Variants in SLC44A5 observed in about 807,000 individuals in gnomAD.
The protein encoded by SLC44A5 is solute carrier family 44 member 5, also known as choline transporter-like protein 5.
Under a neutral mutation model 101.8 loss-of-function variants are expected in SLC44A5, and 57 were observed. The ratio of observed to expected loss-of-function variants is 0.56; its 90% CI spans 0.45 to 0.70. The LOEUF is 0.70. Among genes scored for constraint, SLC44A5 ranks in the 30% least tolerant of loss-of-function variants. The pLI, the probability that SLC44A5 is intolerant of heterozygous loss-of-function variation, is 0.00. For missense variants in SLC44A5, 737 were observed against 853.1 expected, an observed-to-expected ratio of 0.86 and a Z score of 1.70; for synonymous variants, 281 against 290.9, an observed-to-expected ratio of 0.97 and a Z score of 0.35.
intron 6 of SLC44A5, among the ~76,000 whole-genome samples, chr1:75,258,196 T>C (rs1332036620): frequency 6.6e-6 from 1 of 151,996 alleles, no homozygotes; most frequent in African/African-American, 2.4e-5. Context: ...ACAGAACTGT[T>C]CACTCCCCTA....
At chr1:75,392,588 G>A (rs1661863838) in intron 3 of SLC44A5, among the ~76,000 whole-genome samples, 1 of 152,214 alleles carries the variant, frequency 6.6e-6, no homozygotes, top group Admixed American at 6.5e-5. Flanking sequence ...GTGGAAAGCA[G>A]TTTGGAGATT....
At position 75,487,408 on chromosome 1, in the gene SLC44A5, A is replaced by G. The variant is rs534096108; in HGVS notation, c.13+54027T>C. Reference sequence around the variant, plus strand: ...GCTCCAGGCAGAGGAAACCACATCTATAGTAGCTCCGAGACAAGATAGAGT... The same window carrying G: ...GCTCCAGGCAGAGGAAACCACATCTGTAGTAGCTCCGAGACAAGATAGAGT... On this transcript the variant is annotated intron_variant, in intron 2 of 23. Coordinates refer to ENST00000370859, the MANE Select transcript of SLC44A5 (RefSeq NM_001130058.2). Among the ~76,000 whole-genome samples the G allele has an allele frequency of 3.3e-5, 5 of 152,344 alleles. No individual in the cohort carries two copies. In the South Asian group the frequency reaches 1.0e-3, roughly 32 times the overall value.
intron 1 of SLC44A5, among the ~76,000 whole-genome samples, chr1:75,565,922 C>T (rs149758006): frequency 8.3e-4 from 126 of 152,194 alleles, no homozygotes; most frequent in African/African-American, 2.8e-3. Flanking sequence ...TAGTTGGCAT[C>T]CAAAACTTAT....
intron 2 of SLC44A5, among the ~76,000 whole-genome samples, chr1:75,427,003 C>T (rs765293723): frequency 3.5e-4 from 53 of 152,184 alleles, no homozygotes; most frequent in Non-Finnish European, 5.9e-4. Context: ...GGTTCTGCCT[C>T]TTTTTGGGGC....
intron 4 of SLC44A5, among the ~76,000 whole-genome samples, chr1:75,320,995 C>A (rs887592624): frequency 6.6e-6 from 1 of 151,872 alleles, no homozygotes; most frequent in Non-Finnish European, 1.5e-5. Context: ...AAAAAATTCC[C>A]GAGCAATATG....
the SLC44A5 span, among the ~76,000 whole-genome samples, chr1:75,648,103 A>G: frequency 0.49 from 74,669 of 152,046 alleles, 19,593 homozygotes; most frequent in East Asian, 0.93. Flanking sequence ...GGAAGGGATC[A>G]CATGGGAAGC....
At chr1:75,477,402 G>A (rs1244393155) in intron 2 of SLC44A5, among the ~76,000 whole-genome samples, 4 of 152,210 alleles carry the variant, frequency 2.6e-5, no homozygotes, top group Admixed American at 1.3e-4. Flanking sequence ...AAAGCTGTAC[G>A]GAGAATGACT....
chr1:75,388,257 A>G (rs1371788480), intron 3 of SLC44A5, among the ~76,000 whole-genome samples: 5 of 151,876 alleles, frequency 3.3e-5, no homozygotes, highest in Non-Finnish European at 7.4e-5. Flanking sequence ...CAGTATTAAA[A>G]AAAAAAAAAG....
At chr1:75,342,398 A>G (rs1473734275) in intron 3 of SLC44A5, among the ~76,000 whole-genome samples, 1 of 152,188 alleles carries the variant, frequency 6.6e-6, no homozygotes, top group East Asian at 1.9e-4. Context: ...CTAAAAATTC[A>G]TGCCATTTCA....
chr1:75,371,460 T>G (rs1164531791), intron 3 of SLC44A5, among the ~76,000 whole-genome samples: 1 of 152,188 alleles, frequency 6.6e-6, no homozygotes, highest in Non-Finnish European at 1.5e-5. Flanking sequence ...ATTGTTATTT[T>G]TGTAGTCACA....
the SLC44A5 span, among the ~76,000 whole-genome samples, chr1:75,702,109 T>A: frequency 1.6e-4 from 25 of 151,920 alleles, no homozygotes; most frequent in Non-Finnish European, 3.5e-4. Context: ...TTCAATGCCA[T>A]CCCCAACAAG....
intron 2 of SLC44A5, among the ~76,000 whole-genome samples, chr1:75,537,005 C>CA (rs1167125855): frequency 0.016 from 132 of 8,280 alleles, 10 homozygotes; most frequent in African/African-American, 0.029. Context: ...GACTCCATCT[C>CA]AAAAAAAAAA....
At chr1:75,266,318 TACACACAC>T (rs61250669) in intron 6 of SLC44A5, among the ~76,000 whole-genome samples, 54 of 146,914 alleles carry the variant, frequency 3.7e-4, no homozygotes, top group Admixed American at 6.1e-4. Flanking sequence ...GGCATAGAAA[TACACACAC>T]ACACACACAC....
chr1:75,487,863 G>A (rs1570430445), intron 2 of SLC44A5, among the ~76,000 whole-genome samples: 1 of 152,308 alleles, frequency 6.6e-6, no homozygotes, highest in Non-Finnish European at 1.5e-5. Context: ...TGCACAGTGA[G>A]GGGTGAGCAG....
At chr1:75,592,687 TCTACACACCCA>T (rs1474731951) in intron 1 of SLC44A5, among the ~76,000 whole-genome samples, 5 of 151,816 alleles carry the variant, frequency 3.3e-5, no homozygotes, top group African/African-American at 1.2e-4. Flanking sequence ...CAGAAAGAAA[TCTACACACCCA>T]CAGTGAACTC....
At chr1:75,281,517 G>A (rs975439908) in intron 5 of SLC44A5, among the ~76,000 whole-genome samples, 1 of 151,460 alleles carries the variant, frequency 6.6e-6, no homozygotes, top group African/African-American at 2.4e-5. Flanking sequence ...GCAGCCAGAT[G>A]TTAACCACCA....
At chr1:75,418,290 T>C (rs1303592964) in intron 2 of SLC44A5, among the ~76,000 whole-genome samples, 1 of 152,198 alleles carries the variant, frequency 6.6e-6, no homozygotes, top group Non-Finnish European at 1.5e-5. Flanking sequence ...TACAAGAACG[T>C]ACAAAATAGA....
chr1:75,289,796 G>T (rs1306048465), intron 5 of SLC44A5, among the ~76,000 whole-genome samples: 1 of 152,194 alleles, frequency 6.6e-6, no homozygotes, highest in Non-Finnish European at 1.5e-5. Context: ...GACCGAAAGA[G>T]TAGAAGATCT....
the SLC44A5 span, among the ~76,000 whole-genome samples, chr1:75,722,994 TCTTC>T: frequency 6.6e-6 from 1 of 152,244 alleles, no homozygotes; most frequent in African/African-American, 2.4e-5. Flanking sequence ...TAGCCTGTTT[TCTTC>T]CTTATCTGGA....
Sources: gnomAD v4.1 joint callset for allele counts (sites outside exome capture counted in the v4.1 genomes callset) on GRCh38, gnomAD v4.1.1 for gene constraint, MANE v1.5 for transcripts, NCBI Gene and HGNC (gene_info 2026-07-23, HGNC 2026-07-21) for gene names.